GRIP1: variants seen among roughly 807,000 people sequenced by gnomAD.
The protein encoded by GRIP1 is glutamate receptor interacting protein 1, also known as glutamate receptor-interacting protein 1.
GRIP1 carries 45 observed loss-of-function variants against 129.9 expected under a neutral mutation model. The observed-to-expected ratio is 0.35, with a 90% CI of 0.27 to 0.44. The LOEUF is 0.44. GRIP1 is among the 20% of genes least tolerant of loss of function. GRIP1 has a pLI of 1.00. For synonymous variants in GRIP1, 530 were observed against 520.8 expected, an observed-to-expected ratio of 1.02 and a Z score of -0.24; for missense variants, 1,196 against 1,396.8, an observed-to-expected ratio of 0.86 and a Z score of 2.29.
intron 16 of GRIP1, among the ~76,000 whole-genome samples, chr12:66,399,912 ACT>A (rs2056924166): frequency 6.6e-6 from 1 of 151,708 alleles, no homozygotes; most frequent in Admixed American, 6.6e-5. Flanking sequence ...TTTGAACAAC[ACT>A]CTCTACAGCT....
chr12:67,041,279 TAC>T (rs763574066), intron 1 of GRIP1, among the ~76,000 whole-genome samples: 1 of 152,114 alleles, frequency 6.6e-6, no homozygotes, highest in Non-Finnish European at 1.5e-5. Flanking sequence ...TATCCATATA[TAC>T]ACACACAAAT....
At chr12:66,862,124 G>T (rs1051082201) in intron 1 of GRIP1, among the ~76,000 whole-genome samples, 2 of 152,080 alleles carry the variant, frequency 1.3e-5, no homozygotes, top group African/African-American at 4.8e-5. Context: ...ACCAATATAT[G>T]TAACTAGGTC....
At chr12:66,386,355 C>T (rs143030411) in intron 19 of GRIP1, among the ~76,000 whole-genome samples, 10 of 152,214 alleles carry the variant, frequency 6.6e-5, no homozygotes, top group Middle Eastern at 3.4e-3. Flanking sequence ...AATTTTCGGC[C>T]GGGCGCTGTG....
chr12:66,466,218 T>C (rs761187988), intron 7 of GRIP1, among the ~76,000 whole-genome samples: 1 of 152,264 alleles, frequency 6.6e-6, no homozygotes, highest in South Asian at 2.1e-4. Flanking sequence ...CAGCCTGCTC[T>C]ATTCCTGCTG....
chr12:66,662,851 G>A (rs993656404), intron 1 of GRIP1, among the ~76,000 whole-genome samples: 5 of 152,104 alleles, frequency 3.3e-5, no homozygotes, highest in Non-Finnish European at 7.4e-5. Flanking sequence ...TTGAGATGAG[G>A]TTAGACATTT....
intron 1 of GRIP1, among the ~76,000 whole-genome samples, chr12:66,666,297 C>T (rs1166043491): frequency 1.3e-5 from 2 of 152,112 alleles, no homozygotes; most frequent in Admixed American, 1.3e-4. Context: ...TAAATCTGTG[C>T]TACTCAATGG....
intron 7 of GRIP1, among the ~76,000 whole-genome samples, chr12:66,508,214 TA>T (rs1355128881): frequency 2.6e-5 from 4 of 152,338 alleles, no homozygotes; most frequent in Non-Finnish European, 5.9e-5. Flanking sequence ...GATGTTCTGC[TA>T]CATTCTACAC....
chr12:67,059,963 G>A (rs1174828210), intron 1 of GRIP1, among the ~76,000 whole-genome samples: 1 of 152,118 alleles, frequency 6.6e-6, no homozygotes, highest in Admixed American at 6.5e-5. Flanking sequence ...TCATTGAAGA[G>A]GACAAGAACA....
At chr12:66,468,829 G>C (rs1381847822) in intron 7 of GRIP1, among the ~76,000 whole-genome samples, 1 of 152,008 alleles carries the variant, frequency 6.6e-6, no homozygotes, top group Non-Finnish European at 1.5e-5. Context: ...CTTAGGAAAA[G>C]GATGCCAGAT....
At chr12:66,353,633 A>C (rs1294217741) in intron 23 of GRIP1, 70 bp from the exon 24 acceptor site, 8 of 1,354,548 alleles carry the variant, frequency 5.9e-6, no homozygotes, top group Non-Finnish European at 7.4e-6. Context: ...CTTCTTGATG[A>C]ACAATCTTTT....
chr12:66,534,442 G>T (rs2061549573), intron 4 of GRIP1, among the ~76,000 whole-genome samples: 1 of 152,076 alleles, frequency 6.6e-6, no homozygotes, highest in Admixed American at 6.6e-5. Flanking sequence ...CTCCTACAAT[G>T]ATAAATCTAA....
At chr12:66,414,135 A>G (rs1264326137) in intron 15 of GRIP1, among the ~76,000 whole-genome samples, 1 of 152,108 alleles carries the variant, frequency 6.6e-6, no homozygotes, top group African/African-American at 2.4e-5. Context: ...GGGTATTCAA[A>G]TCAGAAGAGA....
intron 9 of GRIP1, among the ~76,000 whole-genome samples, chr12:66,457,779 T>C (rs572185878): frequency 6.6e-6 from 1 of 152,226 alleles, no homozygotes; most frequent in African/African-American, 2.4e-5. Flanking sequence ...GACAGATCAC[T>C]GCGGGGTGAA....
At chr12:66,769,320 C>T (rs1185957854) in intron 1 of GRIP1, among the ~76,000 whole-genome samples, 1 of 151,922 alleles carries the variant, frequency 6.6e-6, no homozygotes, top group Admixed American at 6.6e-5. Flanking sequence ...TACTGAGGCC[C>T]ACTCAAGGTG....
chr12:66,946,613 C>T (rs951364878), intron 1 of GRIP1, among the ~76,000 whole-genome samples: 4 of 151,714 alleles, frequency 2.6e-5, no homozygotes, highest in South Asian at 2.1e-4. Context: ...GATTGCAGGG[C>T]CCCCTTGCCA....
chr12:66,834,936 A>AGGG (rs57338642), intron 1 of GRIP1, among the ~76,000 whole-genome samples: 8 of 99,254 alleles, frequency 8.1e-5, no homozygotes, highest in African/African-American at 2.9e-4. Flanking sequence ...TAAAAAAAAA[A>AGGG]GGGGGGGGGG....
intron 1 of GRIP1, among the ~76,000 whole-genome samples, chr12:66,739,097 A>C (rs1297155701): frequency 6.6e-6 from 1 of 152,098 alleles, no homozygotes; most frequent in African/African-American, 2.4e-5. Flanking sequence ...GTCACGATAA[A>C]ATTCTGGGCT....
At chr12:66,393,438 C>A (rs1401979124) in intron 17 of GRIP1, among the ~76,000 whole-genome samples, 1 of 152,028 alleles carries the variant, frequency 6.6e-6, no homozygotes, top group Non-Finnish European at 1.5e-5. Context: ...TCCCAAAGTT[C>A]TGGGATTACA....
chr12:67,031,863 A>T (rs982571564), intron 1 of GRIP1, among the ~76,000 whole-genome samples: 1 of 151,858 alleles, frequency 6.6e-6, no homozygotes, highest in Non-Finnish European at 1.5e-5. Context: ...TTCATTTTTT[A>T]GTCCATTTCC....
Sources: gnomAD v4.1 joint callset for allele counts (sites outside exome capture counted in the v4.1 genomes callset) on GRCh38, gnomAD v4.1.1 for gene constraint, MANE v1.5 for transcripts, NCBI Gene and HGNC (gene_info 2026-07-23, HGNC 2026-07-21) for gene names.